NRG1: variants seen among roughly 807,000 people sequenced by gnomAD.
NRG1 encodes the protein pro-neuregulin-1, membrane-bound isoform.
Under a neutral mutation model 63.8 loss-of-function variants are expected in NRG1, and 18 were observed. The observed-to-expected ratio is 0.28, with a 90% CI of 0.19 to 0.42. The LOEUF is 0.42. Among genes scored for constraint, NRG1 ranks in the 10% least tolerant of loss-of-function variants. The pLI, the probability that NRG1 is intolerant of heterozygous loss-of-function variation, is 1.00. For missense variants in NRG1, 762 were observed against 814.7 expected, an observed-to-expected ratio of 0.94 and a Z score of 0.79; for synonymous variants, 302 against 301.3, an observed-to-expected ratio of 1.00 and a Z score of -0.02.
At chr8:32,086,566 T>C (rs2131214684) in intron 1 of NRG1, among the ~76,000 whole-genome samples, 1 of 152,314 alleles carries the variant, frequency 6.6e-6, no homozygotes, top group South Asian at 2.1e-4. Context: ...TTGTGATAAC[T>C]ACAACTTATA....
rs61713691 is a variant in NRG1 at position 31,947,306 on chromosome 8, C to CAAAAAAAAAAA, written c.37+307891_37+307901dup. ...TGGGCGACAGAGTGAGACTCCGTCT[C>CAAAAAAAAAAA]AAAAAAAAAAAAAAAAAAAAAAAAA... On this transcript the variant is annotated intron_variant, in intron 1 of 10. Coordinates refer to the NRG1 transcript ENST00000519301. Among the ~76,000 whole-genome samples the CAAAAAAAAAAA allele has an allele frequency of 8.0e-4, 106 of 132,686 alleles. 1 individual carries two copies. Among genetic ancestry groups the CAAAAAAAAAAA allele is most frequent in the African/African-American group, 3.3e-3 (104 of 31,120 alleles). 87.0% of individuals were successfully genotyped at this position (132,686 alleles called of 152,430 possible).
rs370312165 is a variant in NRG1, at chr8:31,894,546, C to CTTTTTTTTTTTTTTTTTTTTTTTTTTT, written c.37+255121_37+255122insTTTTTTTTTTTTTTTTTTTTTTTTTTT. Among the ~76,000 whole-genome samples, 2 of 98,068 alleles carry CTTTTTTTTTTTTTTTTTTTTTTTTTTT rather than the reference C, an allele frequency of 2.0e-5. 1 individual carries two copies. The highest frequency in any genetic ancestry group is 6.6e-5 in the African/African-American group (2 of 30,082). The allele number at this position is 98,068 out of a possible 152,430, so 64.3% of individuals were successfully genotyped here. A position where few individuals can be genotyped will look rare whatever the true frequency, so the allele number is the denominator to read the frequency against. ...GTGAAATCATAATTGCTATTTCTTT[C>CTTTTTTTTTTTTTTTTTTTTTTTTTTT]TTTTTTCTTTTTTTTTTTTTTTGAG... On this transcript the variant is annotated intron_variant, in intron 1 of 10. Coordinates refer to the NRG1 transcript ENST00000519301.
At chr8:31,738,866 A>T (rs1814963608) in intron 1 of NRG1, among the ~76,000 whole-genome samples, 1 of 152,054 alleles carries the variant, frequency 6.6e-6, no homozygotes, top group Admixed American at 6.6e-5. Flanking sequence ...TACACCAGCC[A>T]AATTGGATTA....
chr8:32,747,570 C>T (rs1827685165), intron 7 of NRG1, among the ~76,000 whole-genome samples: 1 of 151,852 alleles, frequency 6.6e-6, no homozygotes. Context: ...CCAAGTTAAT[C>T]GTAACTAAAT....
At chr8:32,514,841 T>A (rs1829633355) in intron 1 of NRG1, among the ~76,000 whole-genome samples, 1 of 152,012 alleles carries the variant, frequency 6.6e-6, no homozygotes, top group Non-Finnish European at 1.5e-5. Context: ...TGTCGACTTT[T>A]GTTTTAGATT....
At chr8:32,128,341 A>T (rs964531439) in intron 1 of NRG1, among the ~76,000 whole-genome samples, 4 of 151,914 alleles carry the variant, frequency 2.6e-5, no homozygotes, top group African/African-American at 9.7e-5. Flanking sequence ...TTAGAGGGCA[A>T]TGTGCATTCC....
At chr8:32,381,265 C>T (rs1810307546) in intron 1 of NRG1, among the ~76,000 whole-genome samples, 3 of 152,294 alleles carry the variant, frequency 2.0e-5, no homozygotes, top group Admixed American at 2.0e-4. Context: ...GCATGATTTG[C>T]TTTGTCTTGT....
chr8:32,673,084 G>C (rs192224542), intron 5 of NRG1, among the ~76,000 whole-genome samples: 1 of 152,286 alleles, frequency 6.6e-6, no homozygotes, highest in East Asian at 1.9e-4. Flanking sequence ...ACAAACCAAA[G>C]CCAAAAACAT....
At chr8:32,355,182 G>T (rs374544417) in intron 1 of NRG1, among the ~76,000 whole-genome samples, 1 of 152,124 alleles carries the variant, frequency 6.6e-6, no homozygotes. Context: ...TAGCAGTCTG[G>T]TTGTGGTGGC....
chr8:32,496,252 C>T (rs943116864), intron 1 of NRG1, among the ~76,000 whole-genome samples: 1 of 152,074 alleles, frequency 6.6e-6, no homozygotes, highest in South Asian at 2.1e-4. Context: ...TGTTATTCTA[C>T]CTGGGTTGAC....
At chr8:31,924,753 C>CATGAGTT (rs1366469653) in intron 1 of NRG1, among the ~76,000 whole-genome samples, 1 of 151,190 alleles carries the variant, frequency 6.6e-6, no homozygotes, top group African/African-American at 2.4e-5. Flanking sequence ...CCGTAAGTTT[C>CATGAGTT]TCTTTAATGA....
Position 32,590,848 on chromosome 8 carries a change from A to G in NRG1, c.101-4980A>G, listed in dbSNP as rs376241532. ...AGTCATACAAACCACATGGGCTCAAATATTAGTTTGCACTTTTATAAGAAT... is the reference window on the plus strand; with the variant it reads ...AGTCATACAAACCACATGGGCTCAAGTATTAGTTTGCACTTTTATAAGAAT... On this transcript the variant is annotated intron_variant, in intron 1 of 11. Transcript: ENST00000356819. Among the ~76,000 whole-genome samples, 7 of 152,312 alleles carry G rather than the reference A, an allele frequency of 4.6e-5. No individual in the cohort carries two copies. In the East Asian group the frequency reaches 9.6e-4, roughly 21 times the overall value.
intron 1 of NRG1, among the ~76,000 whole-genome samples, chr8:31,952,255 A>C (rs1247772310): frequency 6.6e-6 from 1 of 152,252 alleles, no homozygotes; most frequent in Non-Finnish European, 1.5e-5. Flanking sequence ...GAAATGATGA[A>C]GGTGCCATGG....
chr8:32,010,441 C>G (rs949721446), intron 1 of NRG1, among the ~76,000 whole-genome samples: 6 of 152,000 alleles, frequency 3.9e-5, no homozygotes, highest in Non-Finnish European at 8.8e-5. Flanking sequence ...AAATAGGGCA[C>G]TAAAGAAAAC....
At chr8:32,298,579 C>T (rs573633264) in intron 1 of NRG1, among the ~76,000 whole-genome samples, 18 of 151,678 alleles carry the variant, frequency 1.2e-4, no homozygotes, top group East Asian at 3.9e-4. Flanking sequence ...CCGTGTGTGG[C>T]GGTGAATGCC....
chr8:31,859,340 A>G (rs1185568321), intron 1 of NRG1, among the ~76,000 whole-genome samples: 2 of 152,154 alleles, frequency 1.3e-5, no homozygotes, highest in Non-Finnish European at 2.9e-5. Flanking sequence ...GTTCCATCAT[A>G]ATCTTGTTTT....
intron 5 of NRG1, chr8:32,647,681 C>G (rs999920922): frequency 1.3e-6 from 2 of 1,517,734 alleles, no homozygotes; most frequent in East Asian, 4.5e-5. Context: ...GGTAATGGAC[C>G]GTGAGAGCGG....
chr8:32,660,770 A>C (rs970920196), intron 5 of NRG1, among the ~76,000 whole-genome samples: 2 of 152,174 alleles, frequency 1.3e-5, no homozygotes, highest in Non-Finnish European at 1.5e-5. Flanking sequence ...GTGAGGATCA[A>C]ATGAGTTGGT....
chr8:32,244,041 T>C (rs868731883), intron 1 of NRG1, among the ~76,000 whole-genome samples: 7 of 152,292 alleles, frequency 4.6e-5, no homozygotes, highest in Non-Finnish European at 7.4e-5. Flanking sequence ...ACAGGCAATA[T>C]ATGACATGGC....
Sources: gnomAD v4.1 joint callset for allele counts (sites outside exome capture counted in the v4.1 genomes callset) on GRCh38, gnomAD v4.1.1 for gene constraint, MANE v1.5 for transcripts, NCBI Gene and HGNC (gene_info 2026-07-23, HGNC 2026-07-21) for gene names.